The following LPO variants were observed in gnomAD, a reference collection of about 807,000 sequenced individuals.
The protein encoded by LPO is salivary peroxidase.
A neutral mutation model predicts 68.4 loss-of-function variants in LPO; 70 were observed. The observed-to-expected ratio is 1.02, with a 90% CI of 0.84 to 1.25. LPO has a LOEUF of 1.25. Ranked by LOEUF, LPO falls within the 50% of genes most tolerant of loss-of-function variation. LPO has a pLI of 0.00. For synonymous variants in LPO, 360 were observed against 357.6 expected, an observed-to-expected ratio of 1.01 and a Z score of -0.08; for missense variants, 873 against 908.4, an observed-to-expected ratio of 0.96 and a Z score of 0.50.
chr17:58,261,233 A>G (rs1366006170), intron 9 of LPO, among the ~76,000 whole-genome samples: 1 of 152,232 alleles, frequency 6.6e-6, no homozygotes, highest in African/African-American at 2.4e-5. Flanking sequence ...ATCCCTAGCT[A>G]TAAATGAGAA....
intron 8 of LPO, 55 bp from the exon 9 acceptor site, chr17:58,254,756 A>G: frequency 6.3e-7 from 1 of 1,585,204 alleles, no homozygotes; most frequent in Non-Finnish European, 8.6e-7. Context: ...TGTGCAGGTT[A>G]CTGGGTCCTG....
chr17:58,262,738 T>C (rs1031112055), intron 9 of LPO, among the ~76,000 whole-genome samples: 1 of 152,250 alleles, frequency 6.6e-6, no homozygotes, highest in Non-Finnish European at 1.5e-5. Context: ...TAATGTGTCA[T>C]TTCTCTTTGA....
At chr17:58,238,878 A>T (rs1969706059) in intron 1 of LPO, 139 bp downstream of exon 1, 1 of 152,028 alleles carries the variant, frequency 6.6e-6, no homozygotes, top group African/African-American at 2.4e-5. Flanking sequence ...TAGCCACCCC[A>T]TGGCACACTC....
At chr17:58,257,125 G>A (rs759063965) in intron 9 of LPO, among the ~76,000 whole-genome samples, 2 of 150,872 alleles carry the variant, frequency 1.3e-5, no homozygotes, top group Non-Finnish European at 2.9e-5. Flanking sequence ...GTAGAGATAG[G>A]GTTTCACCGT....
intron 9 of LPO, among the ~76,000 whole-genome samples, chr17:58,256,148 C>T (rs1255960521): frequency 6.6e-6 from 1 of 152,154 alleles, no homozygotes; most frequent in African/African-American, 2.4e-5. Context: ...ATCTTTGAGG[C>T]TCATCCATGC....
chr17:58,247,570 G>A lies in LPO; in HGVS notation c.257G>A (p.Arg86His), dbSNP rs780447635. 1.9e-5 allele frequency: 31 copies of A among 1,614,052 alleles called. No individual in the cohort carries two copies. Among genetic ancestry groups the A allele is most frequent in the African/African-American group, 6.7e-5 (5 of 74,920 alleles). ...HAKGRTRTAI[R>H]NGQVWEESLK... ...AAAGGCCGGACGCGCACAGCCATCCGCAATGGACAGGTGTGGGAGGAGTCT... is the reference window on the plus strand; with the variant it reads ...AAAGGCCGGACGCGCACAGCCATCCACAATGGACAGGTGTGGGAGGAGTCT... The change falls in exon 4 of 13, where the codon CGC becomes CAC. Residue 86 changes from arginine (R) to histidine (H), a missense_variant. Physicochemically the swap from Arg to His is conservative, Grantham distance 29 (BLOSUM62 0). Coordinates refer to ENST00000262290, the MANE Select transcript of LPO (RefSeq NM_006151.3).
rs267604967 is a variant in LPO at position 58,266,313 on chromosome 17, C to T, written c.1680C>T (p.Asp560=). The T allele has an allele frequency of 6.2e-7, 1 of 1,614,014 alleles. No individual in the cohort carries two copies. Among genetic ancestry groups the T allele is most frequent in the Non-Finnish European group, 8.5e-7 (1 of 1,180,014 alleles). ...LAAINTQRCR[D]HGQPGYNSWR... Reference sequence around the variant, plus strand: ...CCATCAACACACAGCGTTGCCGGGACCATGGGCAACCTGGTGAGTGTCTGA... The same window carrying T: ...CCATCAACACACAGCGTTGCCGGGATCATGGGCAACCTGGTGAGTGTCTGA... The change falls in exon 11 of 13, where the codon GAC becomes GAT. Residue 560 remains aspartate, a synonymous_variant. Coordinates refer to ENST00000262290, the MANE Select transcript of LPO (RefSeq NM_006151.3).
At chr17:58,258,633 CTTTTAG>C (rs903512235) in intron 9 of LPO, among the ~76,000 whole-genome samples, 5 of 152,182 alleles carry the variant, frequency 3.3e-5, no homozygotes, top group Non-Finnish European at 5.9e-5. Context: ...GAGTCTTCTA[CTTTTAG>C]TTTTAAAAGG....
Position 58,242,965 on chromosome 17 carries a change from C to T in LPO, c.-2-13C>T. On this transcript the variant is annotated splice_polypyrimidine_tract_variant and intron_variant, in intron 1 of 12. Coordinates refer to ENST00000262290, the MANE Select transcript of LPO (RefSeq NM_006151.3). ...TAGAGAGGCTCACAGTGTGATCCTG[C>T]ATCTCGTTTCAGTGATGAGGGTCCT... 1 of 1,613,046 alleles carries T rather than the reference C, an allele frequency of 6.2e-7. No individual in the cohort carries two copies. The highest frequency in any genetic ancestry group is 8.5e-7 in the Non-Finnish European group (1 of 1,179,158).
rs765770196 is a variant in LPO, at chr17:58,252,196, C to T, written c.795C>T (p.Asp265=). Residue 265 remains aspartate (D), a synonymous_variant, in exon 8 of 13, where the codon GAC becomes GAT. Transcript: ENST00000262290. Reference sequence around the variant, plus strand: ...TCTCTCTGCAGTTCCCACCCAATGACCCCAAGGCGGGGACTCAAGGGAAAT... The same window carrying T: ...TCTCTCTGCAGTTCCCACCCAATGATCCCAAGGCGGGGACTCAAGGGAAAT... ...NCFPIMFPPN[D]PKAGTQGKCM... is the part of the protein sequence containing the mutation. The T allele has an allele frequency of 3.7e-6, 6 of 1,613,950 alleles. No individual in the cohort carries two copies. Among genetic ancestry groups the T allele is most frequent in the Admixed American group, 3.3e-5 (2 of 59,992 alleles).
At chr17:58,247,425 CAG>C in intron 3 of LPO, 51 bp from the exon 4 acceptor site, 1 of 1,571,598 alleles carries the variant, frequency 6.4e-7, no homozygotes, top group Non-Finnish European at 8.6e-7. Context: ...CAGCGGCCCC[CAG>C]CCCCCTTCCT....
At chr17:58,249,317 C>T (rs1315193698) in intron 5 of LPO, 140 bp downstream of exon 5, 2 of 883,382 alleles carry the variant, frequency 2.3e-6, no homozygotes, top group Non-Finnish European at 3.4e-6. Flanking sequence ...TCCCCACCTT[C>T]TCAAGATCGC....
At chr17:58,260,502 A>C (rs1970156699) in intron 9 of LPO, among the ~76,000 whole-genome samples, 1 of 152,240 alleles carries the variant, frequency 6.6e-6, no homozygotes, top group Non-Finnish European at 1.5e-5. Context: ...TTCACCATTA[A>C]GTATAAGATT....
chr17:58,267,696 C>G, intron 12 of LPO, 91 bp from the exon 13 acceptor site: 1 of 1,469,042 alleles, frequency 6.8e-7, no homozygotes, highest in Non-Finnish European at 9.4e-7. Flanking sequence ...TAGGGCTTTT[C>G]ATGGTCCCTG....
Position 58,268,137 on chromosome 17 carries a change from T to A in LPO, c.*143T>A. 5 of 820,894 alleles carry A rather than the reference T, an allele frequency of 6.1e-6. No individual in the cohort carries two copies. Among genetic ancestry groups the A allele is most frequent in the Non-Finnish European group, 9.4e-6 (5 of 531,632 alleles). The allele number at this position is 820,894 out of a possible 1,614,324, so 50.9% of individuals were successfully genotyped here. On this transcript the variant is annotated 3_prime_UTR_variant, in exon 13 of 13. Transcript: ENST00000262290. ...TCTCTATACCCCTGGATGAACAGCT[T>A]GCTCAGGCCCCAGGGTGGCTGCCTC...
intron 5 of LPO, 25 bp from the exon 6 acceptor site, chr17:58,249,541 T>A: frequency 2.5e-6 from 4 of 1,600,432 alleles, no homozygotes; most frequent in Non-Finnish European, 3.4e-6. Context: ...CTGCCGAAGC[T>A]CAGCGAGGAT....
chr17:58,262,415 A>G (rs954033061), intron 9 of LPO, among the ~76,000 whole-genome samples: 2 of 152,226 alleles, frequency 1.3e-5, no homozygotes, highest in African/African-American at 4.8e-5. Flanking sequence ...TTTGAGACAG[A>G]GTCTTGCTCT....
At chr17:58,250,317 C>A in intron 6 of LPO, 98 bp from the exon 7 acceptor site, 1 of 953,970 alleles carries the variant, frequency 1.0e-6, no homozygotes, top group African/African-American at 1.6e-5. Flanking sequence ...ATTAAGTGCA[C>A]TTGTAACATG....
rs1437784077 is a variant in LPO at position 58,252,376 on chromosome 17, C to T, written c.975C>T (p.Ser325=). The part of the protein sequence containing the change: ...SLASRLRNLS[S]PLGLMAVNQE... ...CCAGCCGCCTCCGCAACCTCAGCAG[C>T]CCCCTGGGCCTCATGGCTGTCAACC... Residue 325 remains serine, a synonymous_variant, in exon 8 of 13, where the codon AGC becomes AGT. Transcript: ENST00000262290. The T allele has an allele frequency of 6.2e-7, 1 of 1,614,160 alleles. No individual in the cohort carries two copies. The highest frequency in any genetic ancestry group is 8.5e-7 in the Non-Finnish European group (1 of 1,180,034).
Sources: gnomAD v4.1 joint callset for allele counts (sites outside exome capture counted in the v4.1 genomes callset) on GRCh38, gnomAD v4.1.1 for gene constraint, MANE v1.5 for transcripts, NCBI Gene and HGNC (gene_info 2026-07-23, HGNC 2026-07-21) for gene names.